CDH8: variants seen among roughly 807,000 people sequenced by gnomAD.
CDH8 encodes the protein cadherin-8.
In CDH8, 17 loss-of-function variants were observed where a neutral mutation model predicts 68.1. The ratio of observed to expected loss-of-function variants is 0.25; its 90% confidence interval spans 0.17 to 0.37. CDH8 has a LOEUF of 0.37. CDH8 is among the 10% of genes least tolerant of loss of function. The probability of loss-of-function intolerance (pLI) is 1.00; values close to 1 mark genes in which losing one functional copy is unlikely to be tolerated. For synonymous variants in CDH8, 372 were observed against 365.1 expected (o/e 1.02, Z -0.21); for missense variants, 763 against 999.3 (o/e 0.76, Z 3.19).
chr16:62,018,750 G>C (rs1009342707), intron 2 of CDH8, among the ~76,000 whole-genome samples: 5 of 152,152 alleles, frequency 3.3e-5, no homozygotes, highest in African/African-American at 1.2e-4. Flanking sequence ...CCGTGAAAAG[G>C]CTAGATAAAA....
At chr16:61,793,795 T>C (rs1475738923) in intron 7 of CDH8, among the ~76,000 whole-genome samples, 1 of 152,048 alleles carries the variant, frequency 6.6e-6, no homozygotes, top group Non-Finnish European at 1.5e-5. Flanking sequence ...GGTCAAATGA[T>C]ATTTCTGTCT....
intron 1 of CDH8, among the ~76,000 whole-genome samples, chr16:62,022,512 T>A (rs1186087782): frequency 1.3e-5 from 2 of 152,142 alleles, no homozygotes; most frequent in African/African-American, 4.8e-5. Flanking sequence ...ATTTTTTGCT[T>A]ACCCTCAGCG....
In CDH8 at chr16:61,653,633, A is replaced by G; in HGVS notation, c.2375T>C (p.Val792Ala). 6.2e-7 allele frequency: 1 copy of G among 1,611,922 alleles called. No individual in the cohort carries two copies. The highest frequency in any genetic ancestry group is 8.5e-7 in the Non-Finnish European group (1 of 1,179,350). ...TCAAGTTTCTTTGTCACTTTCACCA[A>G]CAGAGTAGAGTTCGCCCAGTCTCTT... is the stretch of plus-strand genomic sequence containing the variant. Reference protein sequence around the residue: ...RFKRLGELYSVGESDKET With the variant: ...RFKRLGELYSAGESDKET The change falls in exon 12 of 12, where the codon GTT becomes GCT. Residue 792 changes from valine to alanine, a missense_variant. Physicochemically the swap from Val to Ala is moderately conservative, Grantham distance 64 (BLOSUM62 0). Transcript: ENST00000577390.
intron 2 of CDH8, among the ~76,000 whole-genome samples, chr16:61,919,116 A>C (rs1964312970): frequency 6.9e-6 from 1 of 145,658 alleles, no homozygotes; most frequent in African/African-American, 2.6e-5. Context: ...TGTCTGTTAG[A>C]AGGAAAACTA....
At chr16:61,701,385 T>C (rs1253262019) in intron 10 of CDH8, among the ~76,000 whole-genome samples, 1 of 152,238 alleles carries the variant, frequency 6.6e-6, no homozygotes, top group Non-Finnish European at 1.5e-5. Flanking sequence ...ATCACAGTGC[T>C]ACACAATTCT....
intron 8 of CDH8, among the ~76,000 whole-genome samples, chr16:61,771,129 A>C (rs1186933782): frequency 6.6e-6 from 1 of 151,848 alleles, no homozygotes; most frequent in African/African-American, 2.4e-5. Flanking sequence ...ATGTCTAACC[A>C]ATCATTTTTA....
At chr16:61,993,224 A>G (rs1009298059) in intron 2 of CDH8, among the ~76,000 whole-genome samples, 1 of 152,174 alleles carries the variant, frequency 6.6e-6, no homozygotes, top group African/African-American at 2.4e-5. Context: ...ATCTGTCACC[A>G]TTATCTCTAA....
At chr16:61,981,891 A>G (rs1018787035) in intron 2 of CDH8, among the ~76,000 whole-genome samples, 10 of 152,172 alleles carry the variant, frequency 6.6e-5, no homozygotes, top group Non-Finnish European at 1.3e-4. Flanking sequence ...AAAATACTTT[A>G]CAATTCCTTT....
At chr16:61,717,353 T>A (rs1964750834) in intron 9 of CDH8, among the ~76,000 whole-genome samples, 1 of 151,608 alleles carries the variant, frequency 6.6e-6, no homozygotes, top group South Asian at 2.1e-4. Flanking sequence ...CAGACTCTGT[T>A]CTATTTCTTG....
chr16:61,675,554 C>A (rs2142787650), intron 10 of CDH8, among the ~76,000 whole-genome samples: 1 of 148,064 alleles, frequency 6.8e-6, no homozygotes, highest in African/African-American at 2.5e-5. Flanking sequence ...ACATATGTAA[C>A]TAACCTGCAC....
At chr16:61,954,700 CAA>C (rs35839753) in intron 2 of CDH8, among the ~76,000 whole-genome samples, 3,085 of 68,188 alleles carry the variant, frequency 0.045, 82 homozygotes, top group African/African-American at 0.15. Context: ...GACTCCATCT[CAA>C]AAAAAAAAAA....
At chr16:61,768,018 T>C (rs1324836341) in intron 8 of CDH8, among the ~76,000 whole-genome samples, 1 of 151,898 alleles carries the variant, frequency 6.6e-6, no homozygotes, top group Admixed American at 6.6e-5. Flanking sequence ...ACTTGGGTGA[T>C]TCTCTTCAAA....
chr16:61,765,596 A>G (rs1216252888), intron 8 of CDH8, among the ~76,000 whole-genome samples: 2 of 152,038 alleles, frequency 1.3e-5, no homozygotes, highest in Non-Finnish European at 2.9e-5. Flanking sequence ...TTAATGTAAG[A>G]GAGTTCTAGT....
At chr16:61,970,603 C>A (rs529641404) in intron 2 of CDH8, among the ~76,000 whole-genome samples, 2 of 152,218 alleles carry the variant, frequency 1.3e-5, no homozygotes, top group Non-Finnish European at 2.9e-5. Flanking sequence ...TCTCATGACA[C>A]AGAACGCTTC....
In CDH8 at chr16:61,651,486, G is replaced by A. The variant is rs1963322711; in HGVS notation, c.*2122C>T. 1 of 152,126 alleles carries A rather than the reference G, an allele frequency of 6.6e-6. No homozygotes were observed. Among genetic ancestry groups the A allele is most frequent in the African/African-American group, 2.4e-5 (1 of 41,418 alleles). 9.4% of individuals were successfully genotyped at this position (152,126 alleles called of 1,614,324 possible). ...TGCAGTTTCTGTCACAGTGAAGGTG[G>A]CCTCTAGAAGTTGGTGCGTTCAGCT... On this transcript the variant is annotated 3_prime_UTR_variant, in exon 12 of 12. Coordinates refer to ENST00000577390, the MANE Select transcript of CDH8 (RefSeq NM_001796.5).
chr16:61,778,106 T>C (rs1011413950), intron 8 of CDH8, among the ~76,000 whole-genome samples: 3 of 152,068 alleles, frequency 2.0e-5, no homozygotes, highest in Non-Finnish European at 4.4e-5. Context: ...TAACCACCTC[T>C]GTACCTGAAT....
intron 2 of CDH8, among the ~76,000 whole-genome samples, chr16:62,011,115 T>G (rs1425834653): frequency 6.6e-6 from 1 of 152,200 alleles, no homozygotes; most frequent in Non-Finnish European, 1.5e-5. Context: ...TGTAGTATTT[T>G]ATTCCCTGCT....
In CDH8 at chr16:61,789,277, T is replaced by C. The variant is rs1961320909; in HGVS notation, c.1414+69A>G. 4 of 1,426,992 alleles carry C rather than the reference T, an allele frequency of 2.8e-6. No homozygotes were observed. In the African/African-American group the frequency reaches 4.3e-5, roughly 15 times the overall value. The allele number at this position is 1,426,992 out of a possible 1,614,324, so 88.4% of individuals were successfully genotyped here. On this transcript the variant is annotated intron_variant, in intron 8 of 11. Transcript: ENST00000577390. ...ACCTAACAGAAACAGGGGCTGCTTA[T>C]CACGTTATTAATAAGCATAAATTGA...
chr16:61,815,050 T>C (rs13336134), intron 7 of CDH8, among the ~76,000 whole-genome samples: 65,319 of 152,076 alleles, frequency 0.43, 14,990 homozygotes, highest in African/African-American at 0.59. Flanking sequence ...AAACAGCATT[T>C]GTCCCTTCTT....
Sources: allele counts gnomAD v4.1 joint callset (sites outside exome capture counted in the v4.1 genomes callset), GRCh38; gene constraint gnomAD v4.1.1; transcripts MANE v1.5; gene names NCBI Gene and HGNC (gene_info 2026-07-23, HGNC 2026-07-21).